The following CHL1 variants were observed in gnomAD, a reference collection of about 807,000 sequenced individuals.
CHL1 encodes the protein neural cell adhesion molecule L1-like protein.
In CHL1, 96 loss-of-function variants were observed where a neutral mutation model predicts 141.9. The observed-to-expected ratio is 0.68, with a 90% confidence interval of 0.57 to 0.80. The LOEUF (loss-of-function observed/expected upper bound fraction) is 0.80, where lower values mean the gene tolerates loss of function less well. CHL1 is among the 30% of genes least tolerant of loss of function. The pLI, the probability that CHL1 is intolerant of heterozygous loss-of-function variation, is 0.00. For synonymous variants in CHL1, 613 were observed against 502.2 expected (o/e 1.22, Z -2.95); for missense variants, 1,820 against 1,457.2 (o/e 1.25, Z -4.05).
intron 2 of CHL1, among the ~76,000 whole-genome samples, chr3:319,294 G>C (rs1475324661): frequency 2.6e-5 from 4 of 151,458 alleles, no homozygotes; most frequent in Non-Finnish European, 5.9e-5. Context: ...CTGAGTGATG[G>C]AATCATGTAT....
intron 5 of CHL1, among the ~76,000 whole-genome samples, chr3:336,492 G>C (rs970082071): frequency 3.9e-5 from 6 of 152,086 alleles, no homozygotes; most frequent in Admixed American, 2.0e-4. Flanking sequence ...CACAGCTTAG[G>C]TTTTATTATA....
At chr3:197,664 C>G (rs4685394) in intron 1 of CHL1, 26,264 of 369,554 alleles carry the variant, frequency 0.071, 1,121 homozygotes, top group Middle Eastern at 0.1. Flanking sequence ...CAGCCTGGAG[C>G]GGGGAATCCA....
chr3:305,608 A>G (rs931273126), intron 2 of CHL1, among the ~76,000 whole-genome samples: 8 of 151,732 alleles, frequency 5.3e-5, no homozygotes, highest in Non-Finnish European at 1.2e-4. Flanking sequence ...ATAACACCCT[A>G]TAACTTGCTT....
intron 15 of CHL1, 57 bp from the exon 16 acceptor site, chr3:377,761 G>T: frequency 2.1e-6 from 3 of 1,446,542 alleles, no homozygotes; most frequent in Non-Finnish European, 2.9e-6. Flanking sequence ...AAAGAATTGG[G>T]TTTCTATCAT....
intron 1 of CHL1, among the ~76,000 whole-genome samples, chr3:232,161 T>G (rs535396986): frequency 1.3e-5 from 2 of 152,186 alleles, no homozygotes; most frequent in African/African-American, 4.8e-5. Context: ...ATTACTGACC[T>G]CACTGTGAGG....
intron 5 of CHL1, 181 bp downstream of exon 5, chr3:328,535 A>T: frequency 2.1e-6 from 1 of 467,888 alleles, no homozygotes; most frequent in Non-Finnish European, 3.7e-6. Flanking sequence ...ATGACCTTAG[A>T]AAACAACATA....
chr3:314,931 T>C (rs1700051671), intron 2 of CHL1, among the ~76,000 whole-genome samples: 1 of 152,152 alleles, frequency 6.6e-6, no homozygotes, highest in Non-Finnish European at 1.5e-5. Flanking sequence ...TTGCAATCAA[T>C]CTACTACACT....
intron 13 of CHL1, among the ~76,000 whole-genome samples, chr3:362,433 G>A (rs1322712667): frequency 6.6e-6 from 1 of 151,960 alleles, no homozygotes; most frequent in Non-Finnish European, 1.5e-5. Flanking sequence ...ATCATGATAC[G>A]TATTTTGTTC....
At chr3:394,630 A>C in intron 23 of CHL1, 63 bp from the exon 24 acceptor site, 1 of 1,180,224 alleles carries the variant, frequency 8.5e-7, no homozygotes, top group South Asian at 1.4e-5. Flanking sequence ...AAATGAAAAT[A>C]ATGAAGAATG....
chr3:287,917 C>T (rs1697314909), intron 2 of CHL1, among the ~76,000 whole-genome samples: 1 of 148,732 alleles, frequency 6.7e-6, no homozygotes, highest in Non-Finnish European at 1.5e-5. Context: ...AGGCGTGCGC[C>T]ATCACGCCAG....
chr3:213,006 C>T (rs149930627), intron 1 of CHL1, among the ~76,000 whole-genome samples: 43 of 152,250 alleles, frequency 2.8e-4, no homozygotes, highest in Admixed American at 3.3e-4. Context: ...CCAGTGTCAA[C>T]GGCAAACAAT....
chr3:214,524 C>T (rs1395536075), intron 1 of CHL1, among the ~76,000 whole-genome samples: 1 of 152,024 alleles, frequency 6.6e-6, no homozygotes, highest in East Asian at 1.9e-4. Context: ...TCTTATTGGC[C>T]ATGGAAATGC....
At chr3:235,414 T>A (rs897508438) in intron 1 of CHL1, among the ~76,000 whole-genome samples, 2 of 152,028 alleles carry the variant, frequency 1.3e-5, no homozygotes, top group South Asian at 4.2e-4. Flanking sequence ...GTTGTAAGGA[T>A]AAAATGAGTT....
chr3:307,174 T>C (rs1699312332), intron 2 of CHL1, among the ~76,000 whole-genome samples: 1 of 152,076 alleles, frequency 6.6e-6, no homozygotes, highest in Non-Finnish European at 1.5e-5. Flanking sequence ...AAAATGAGAG[T>C]TTTAATTTTC....
intron 25 of CHL1, 29 bp downstream of exon 25, chr3:398,414 T>G (rs759622752): frequency 6.9e-7 from 1 of 1,451,276 alleles, no homozygotes; most frequent in Non-Finnish European, 9.6e-7. Context: ...TTTGGGGAAG[T>G]CTTAGTCAAT....
At chr3:283,354 C>A (rs888870979) in intron 2 of CHL1, among the ~76,000 whole-genome samples, 6 of 152,104 alleles carry the variant, frequency 3.9e-5, no homozygotes, top group African/African-American at 1.4e-4. Flanking sequence ...TAGATAATAC[C>A]AAGAGTATAA....
intron 10 of CHL1, among the ~76,000 whole-genome samples, chr3:354,015 C>T (rs1271758659): frequency 1.3e-5 from 2 of 152,066 alleles, no homozygotes. Flanking sequence ...TAGAAAGATA[C>T]AGGTAATTTT....
chr3:254,552 T>G lies in CHL1; in HGVS notation c.-95+9860T>G, dbSNP rs540559638. ...ATTGTCAGGGCAGCAGACATCAGAC[T>G]ATGCAGGGCCTTATAAGCCACGTAT... is the stretch of plus-strand genomic sequence containing the variant. On this transcript the variant is annotated intron_variant, in intron 2 of 27. Coordinates refer to ENST00000256509, the MANE Select transcript of CHL1 (RefSeq NM_006614.4). Among the ~76,000 whole-genome samples the G allele has an allele frequency of 2.0e-5, 3 of 152,290 alleles. No individual in the cohort carries two copies. In the South Asian group the frequency reaches 6.2e-4, roughly 32 times the overall value.
At chr3:346,452 G>A (rs73817640) in intron 9 of CHL1, among the ~76,000 whole-genome samples, 2 of 152,198 alleles carry the variant, frequency 1.3e-5, no homozygotes, top group Non-Finnish European at 2.9e-5. Flanking sequence ...GAGTTGGGCA[G>A]GGTGATCCTT....
Sources: allele counts gnomAD v4.1 joint callset (sites outside exome capture counted in the v4.1 genomes callset), GRCh38; gene constraint gnomAD v4.1.1; transcripts MANE v1.5; gene names NCBI Gene and HGNC (gene_info 2026-07-23, HGNC 2026-07-21).